GADL1: variants seen among roughly 807,000 people sequenced by gnomAD.
GADL1 encodes GAD like acidic amino acid decarboxylase 1.
GADL1 carries 71 observed loss-of-function variants against 69.5 expected under a neutral mutation model. The ratio of observed to expected loss-of-function variants is 1.02; its 90% CI spans 0.84 to 1.25. GADL1 has a LOEUF of 1.25. Among genes scored for constraint, GADL1 ranks in the 50% most tolerant of loss-of-function variants. GADL1 has a pLI of 0.00. For synonymous variants in GADL1, 254 were observed against 214.4 expected (o/e 1.18, Z -1.62); for missense variants, 737 against 631.8 (o/e 1.17, Z -1.79).
At chr3:30,755,708 TC>T (rs1438937236) in intron 14 of GADL1, among the ~76,000 whole-genome samples, 1 of 150,300 alleles carries the variant, frequency 6.7e-6, no homozygotes, top group African/African-American at 2.4e-5. Flanking sequence ...TAGAATAGTG[TC>T]TGACACATTG....
chr3:30,732,899 A>G (rs1259845877), intron 14 of GADL1, among the ~76,000 whole-genome samples: 1 of 152,160 alleles, frequency 6.6e-6, no homozygotes, highest in Non-Finnish European at 1.5e-5. Context: ...TCTACTAAAA[A>G]TACAAAAATT....
intron 11 of GADL1, among the ~76,000 whole-genome samples, chr3:30,820,607 A>T (rs1340811667): frequency 6.6e-6 from 1 of 152,128 alleles, no homozygotes; most frequent in Non-Finnish European, 1.5e-5. Flanking sequence ...CCCTAGCAAA[A>T]CATGCAGGAT....
chr3:30,826,406 G>A (rs1697681763), intron 11 of GADL1, among the ~76,000 whole-genome samples: 1 of 151,876 alleles, frequency 6.6e-6, no homozygotes. Flanking sequence ...GCCAAGATGA[G>A]TGAATTCTTT....
At chr3:30,804,108 AAGG>A (rs1697211167) in intron 11 of GADL1, among the ~76,000 whole-genome samples, 1 of 152,208 alleles carries the variant, frequency 6.6e-6, no homozygotes, top group Non-Finnish European at 1.5e-5. Flanking sequence ...GTTTAAGCAA[AAGG>A]AGGGAGTATT....
In GADL1 at chr3:30,833,850, TAC is replaced by T. The variant is rs780506121; in HGVS notation, c.1050+1_1050+2del. On this transcript the variant is annotated splice_donor_variant, in intron 11 of 14. Transcript: ENST00000282538. LOFTEE classifies it high-confidence loss of function. ...CCCAAAGGACCACAAGAGGAAAACT[TAC>T]AGATTTGTCTTTCACAAGGAGAGCA... The T allele has an allele frequency of 1.7e-5, 27 of 1,609,290 alleles. No individual in the cohort carries two copies. Among genetic ancestry groups the T allele is most frequent in the Middle Eastern group, 3.3e-4 (2 of 6,060 alleles).
intron 14 of GADL1, among the ~76,000 whole-genome samples, chr3:30,747,386 T>C (rs1406709853): frequency 6.6e-6 from 1 of 152,098 alleles, no homozygotes; most frequent in Non-Finnish European, 1.5e-5. Context: ...GTCAAAATGA[T>C]GGTGCATTTG....
At chr3:30,804,463 C>G (rs1697218925) in intron 11 of GADL1, among the ~76,000 whole-genome samples, 1 of 152,184 alleles carries the variant, frequency 6.6e-6, no homozygotes, top group Non-Finnish European at 1.5e-5. Context: ...ATTTATCTTT[C>G]TGTAAATGCA....
intron 6 of GADL1, among the ~76,000 whole-genome samples, chr3:30,849,374 G>A (rs1698109127): frequency 6.6e-6 from 1 of 152,164 alleles, no homozygotes; most frequent in African/African-American, 2.4e-5. Context: ...TTAGGAAACT[G>A]AGGCACAAAG....
intron 14 of GADL1, among the ~76,000 whole-genome samples, chr3:30,728,871 G>A (rs759860206): frequency 2.6e-5 from 4 of 152,006 alleles, no homozygotes; most frequent in Non-Finnish European, 5.9e-5. Flanking sequence ...AAGAAAATTA[G>A]TCATAGATGG....
intron 14 of GADL1, among the ~76,000 whole-genome samples, chr3:30,765,307 C>T (rs988370255): frequency 1.1e-4 from 5 of 44,528 alleles, no homozygotes; most frequent in African/African-American, 4.9e-4. Context: ...GTTTTTACTG[C>T]AGACCAACTC....
chr3:30,741,357 A>T (rs1034723007), intron 14 of GADL1, among the ~76,000 whole-genome samples: 8 of 151,628 alleles, frequency 5.3e-5, no homozygotes, highest in Non-Finnish European at 7.4e-5. Context: ...TTGCATAGAG[A>T]TACACTCCTA....
At chr3:30,770,871 CT>C (rs1286265369) in intron 14 of GADL1, among the ~76,000 whole-genome samples, 3 of 152,184 alleles carry the variant, frequency 2.0e-5, no homozygotes, top group African/African-American at 7.2e-5. Flanking sequence ...ATGAGGACAT[CT>C]GTACTTATCT....
At chr3:30,764,612 G>GA (rs1363625838) in intron 14 of GADL1, among the ~76,000 whole-genome samples, 18 of 152,140 alleles carry the variant, frequency 1.2e-4, no homozygotes, top group African/African-American at 3.9e-4. Flanking sequence ...AAGAACAGTG[G>GA]AACACAATAG....
intron 14 of GADL1, among the ~76,000 whole-genome samples, chr3:30,758,529 TAG>T (rs1660399806): frequency 6.7e-6 from 1 of 148,218 alleles, no homozygotes; most frequent in Non-Finnish European, 1.5e-5. Flanking sequence ...AACTACCTCA[TAG>T]AGGGTGGTTG....
intron 1 of GADL1, among the ~76,000 whole-genome samples, chr3:30,871,422 T>A (rs17431331): frequency 0.14 from 21,162 of 151,718 alleles, 1,676 homozygotes; most frequent in Non-Finnish European, 0.18. Flanking sequence ...TTATACTCTC[T>A]CCTACAATAC....
intron 8 of GADL1, 48 bp downstream of exon 8, chr3:30,844,162 C>T (rs761816429): frequency 1.1e-5 from 16 of 1,401,844 alleles, no homozygotes; most frequent in South Asian, 2.7e-5. Context: ...CGCGGGCGTG[C>T]GCGCACACAC....
At chr3:30,842,127 T>A (rs1054295295) in intron 8 of GADL1, among the ~76,000 whole-genome samples, 13 of 152,054 alleles carry the variant, frequency 8.5e-5, no homozygotes, top group African/African-American at 2.9e-4. Flanking sequence ...ATTTGACGTA[T>A]CAACCAAATG....
chr3:30,760,366 T>C (rs1696098185), intron 14 of GADL1, among the ~76,000 whole-genome samples: 1 of 152,190 alleles, frequency 6.6e-6, no homozygotes, highest in Non-Finnish European at 1.5e-5. Context: ...TTTAGTCTCT[T>C]TTAAATATCA....
At chr3:30,761,155 ATT>A (rs1696119620) in intron 14 of GADL1, among the ~76,000 whole-genome samples, 1 of 152,156 alleles carries the variant, frequency 6.6e-6, no homozygotes, top group East Asian at 1.9e-4. Context: ...TGTATGCTTT[ATT>A]TACTTTAATA....
Sources: gnomAD v4.1 joint callset for allele counts (sites outside exome capture counted in the v4.1 genomes callset) on GRCh38, gnomAD v4.1.1 for gene constraint, MANE v1.5 for transcripts, NCBI Gene and HGNC (gene_info 2026-07-23, HGNC 2026-07-21) for gene names.